MAP2K4: variants seen among roughly 807,000 people sequenced by gnomAD.
MAP2K4 encodes dual specificity mitogen-activated protein kinase kinase 4.
A neutral mutation model predicts 48.5 loss-of-function variants in MAP2K4; 4 were observed. The ratio of observed to expected loss-of-function variants is 0.08; its 90% confidence interval spans 0.04 to 0.19. MAP2K4 has a LOEUF of 0.19. Ranked by LOEUF, MAP2K4 falls within the 10% of genes least tolerant of loss-of-function variation. The pLI, the probability that MAP2K4 is intolerant of heterozygous loss-of-function variation, is 1.00. For synonymous variants in MAP2K4, 166 were observed against 173.1 expected (o/e 0.96, Z 0.32); for missense variants, 258 against 493.3 (o/e 0.52, Z 4.52).
intron 4 of MAP2K4, among the ~76,000 whole-genome samples, chr17:12,106,381 C>T (rs1567662998): frequency 6.6e-6 from 1 of 152,038 alleles, no homozygotes; most frequent in South Asian, 2.1e-4. Flanking sequence ...AAATTTACTA[C>T]GTCAAATATG....
chr17:12,044,509 G>C (rs1315281733), intron 1 of MAP2K4, among the ~76,000 whole-genome samples: 1 of 152,198 alleles, frequency 6.6e-6, no homozygotes, highest in Non-Finnish European at 1.5e-5. Context: ...AACTTGCCAA[G>C]AAGGAGAAGT....
chr17:12,064,022 G>T (rs1478178036), intron 2 of MAP2K4, among the ~76,000 whole-genome samples: 2 of 88,746 alleles, frequency 2.3e-5, no homozygotes, highest in Middle Eastern at 0.016. Flanking sequence ...GGAAGGGGGG[G>T]AGAGAGAGAG....
At chr17:12,097,302 T>C (rs1177140044) in intron 4 of MAP2K4, among the ~76,000 whole-genome samples, 1 of 152,244 alleles carries the variant, frequency 6.6e-6, no homozygotes, top group African/African-American at 2.4e-5. Flanking sequence ...CATTATAGAC[T>C]TTCCCCAGCT....
chr17:12,111,527 G>A (rs1393648486), intron 6 of MAP2K4, among the ~76,000 whole-genome samples: 1 of 149,888 alleles, frequency 6.7e-6, no homozygotes, highest in Non-Finnish European at 1.5e-5. Context: ...ATAATTATGA[G>A]AGTAGCACCT....
chr17:12,056,756 A>T (rs955949144), intron 2 of MAP2K4, among the ~76,000 whole-genome samples: 4 of 152,098 alleles, frequency 2.6e-5, no homozygotes, highest in Non-Finnish European at 5.9e-5. Context: ...GCCCCTTCCA[A>T]AAGGTATCCT....
At chr17:12,133,031 C>G (rs1199715832) in intron 9 of MAP2K4, among the ~76,000 whole-genome samples, 1 of 151,456 alleles carries the variant, frequency 6.6e-6, no homozygotes, top group Non-Finnish European at 1.5e-5. Flanking sequence ...GAACCAATGC[C>G]TGCTTTAGAT....
At chr17:12,044,807 T>C (rs1377708584) in intron 1 of MAP2K4, among the ~76,000 whole-genome samples, 1 of 152,244 alleles carries the variant, frequency 6.6e-6, no homozygotes, top group Non-Finnish European at 1.5e-5. Flanking sequence ...AACTTCTGAC[T>C]GTCCGGCTCC....
In MAP2K4 at chr17:12,107,859, G is replaced by A. The variant is rs764298113; in HGVS notation, c.583G>A (p.Val195Ile). 4 of 1,603,960 alleles carry A rather than the reference G, an allele frequency of 2.5e-6. No individual in the cohort carries two copies. In the South Asian group the frequency reaches 3.4e-5, roughly 13 times the overall value. Residue 195 changes from valine to isoleucine, a missense_variant, in exon 5 of 11, where the codon GTA (valine) becomes ATA (isoleucine). Physicochemically the swap from Val to Ile is conservative, Grantham distance 29 (BLOSUM62 3). Coordinates refer to ENST00000353533, the MANE Select transcript of MAP2K4 (RefSeq NM_003010.4). ...TAAGTTTTACAAATATGTATATAGT[G>A]TATTAGATGATGTTATTCCAGAAGA... ...FDKFYKYVYS[V>I]LDDVIPEEIL...
At chr17:12,115,160 A>G (rs1319530703) in intron 7 of MAP2K4, among the ~76,000 whole-genome samples, 1 of 152,230 alleles carries the variant, frequency 6.6e-6, no homozygotes, top group Non-Finnish European at 1.5e-5. Context: ...TGTGCAACAT[A>G]AAAAAGTAAA....
intron 1 of MAP2K4, among the ~76,000 whole-genome samples, chr17:12,024,558 C>T (rs1969196547): frequency 6.6e-6 from 1 of 152,018 alleles, no homozygotes; most frequent in South Asian, 2.1e-4. Context: ...AAATGTAGAT[C>T]TGTTTGCCAA....
At chr17:12,066,014 A>G (rs753333853) in intron 2 of MAP2K4, among the ~76,000 whole-genome samples, 3 of 152,196 alleles carry the variant, frequency 2.0e-5, no homozygotes, top group African/African-American at 7.2e-5. Flanking sequence ...GAATTATTCT[A>G]GAGTATCTGT....
At position 12,076,391 on chromosome 17, in the gene MAP2K4, A is replaced by C. The variant is rs182675314; in HGVS notation, c.219-4965A>C. Among the ~76,000 whole-genome samples the C allele has an allele frequency of 2.7e-3, 407 of 152,032 alleles. 1 individual carries two copies. Among genetic ancestry groups the C allele is most frequent in the South Asian group, 7.5e-3 (36 of 4,814 alleles). On this transcript the variant is annotated intron_variant, in intron 2 of 10. Coordinates refer to ENST00000353533, the MANE Select transcript of MAP2K4 (RefSeq NM_003010.4). ...AGTCTGGGTCAATGAAGGGACAACA[A>C]CTAAAATACAGTAGTGTTAATTCAG... is the stretch of plus-strand genomic sequence containing the variant.
chr17:12,139,714 T>C, intron 9 of MAP2K4, 125 bp from the exon 10 acceptor site: 1 of 623,542 alleles, frequency 1.6e-6, no homozygotes, highest in Non-Finnish European at 2.8e-6. Flanking sequence ...GCAGGCTGTC[T>C]GCGTTGTTAC....
At chr17:12,031,802 ATG>A (rs901779254) in intron 1 of MAP2K4, among the ~76,000 whole-genome samples, 3 of 152,134 alleles carry the variant, frequency 2.0e-5, no homozygotes, top group Non-Finnish European at 2.9e-5. Context: ...GAAATGTTTT[ATG>A]TGTGTGTAAG....
In MAP2K4 at chr17:12,081,440, C is replaced by T. The variant is rs1971182630; in HGVS notation, c.303C>T (p.Asp101=). 1.2e-6 allele frequency: 2 copies of T among 1,614,010 alleles called. No homozygotes were observed. Among genetic ancestry groups the T allele is most frequent in the Non-Finnish European group, 1.7e-6 (2 of 1,179,986 alleles). ...AACACTGGGATTTCACTGCAGAGGA[C>T]TTGAAAGACCTTGGAGAAATTGGAC... is the stretch of plus-strand genomic sequence containing the variant. ...PEQHWDFTAE[D]LKDLGEIGRG... is the part of the protein sequence containing the mutation. The change falls in exon 3 of 11, where the codon GAC becomes GAT. Residue 101 remains aspartate (D), a synonymous_variant. Transcript: ENST00000353533. The surrounding 1 kb of genome is among the most constrained non-coding windows in gnomAD (Gnocchi z 4.2).
chr17:12,047,331 G>GT (rs1431673542), intron 1 of MAP2K4, among the ~76,000 whole-genome samples: 3 of 152,162 alleles, frequency 2.0e-5, no homozygotes, highest in Admixed American at 6.5e-5. Context: ...GCTGGAATGA[G>GT]TGACTATCTA....
chr17:12,046,324 T>C (rs770288390), intron 1 of MAP2K4, among the ~76,000 whole-genome samples: 2 of 152,156 alleles, frequency 1.3e-5, no homozygotes, highest in Non-Finnish European at 2.9e-5. Flanking sequence ...AACATGGAAT[T>C]GGGGTTCGGG....
intron 7 of MAP2K4, among the ~76,000 whole-genome samples, chr17:12,123,168 A>AC (rs1349953032): frequency 6.6e-6 from 1 of 152,110 alleles, no homozygotes; most frequent in African/African-American, 2.4e-5. Context: ...TTTTTGAAAA[A>AC]AAAATTTGTG....
intron 4 of MAP2K4, among the ~76,000 whole-genome samples, chr17:12,099,601 A>T (rs1038232440): frequency 5.3e-5 from 8 of 152,308 alleles, no homozygotes; most frequent in African/African-American, 1.7e-4. Context: ...CCAACCTCAA[A>T]AAGAAAAGTC....
Sources: gnomAD v4.1 joint callset for allele counts (sites outside exome capture counted in the v4.1 genomes callset) on GRCh38, gnomAD v4.1.1 for gene constraint, Gnocchi (gnomAD v3.1) non-coding constraint, MANE v1.5 for transcripts, NCBI Gene and HGNC (gene_info 2026-07-23, HGNC 2026-07-21) for gene names.